The following SNX18 variants were observed in gnomAD, a reference collection of about 807,000 sequenced individuals.
SNX18 encodes sorting nexin 18, also known as sorting nexin-18.
In SNX18, 35 loss-of-function variants were observed where a neutral mutation model predicts 48.7. The ratio of observed to expected loss-of-function variants is 0.72; its 90% CI spans 0.55 to 0.95. The LOEUF (loss-of-function observed/expected upper bound fraction) is 0.95. Ranked by LOEUF, SNX18 falls within the 40% of genes least tolerant of loss-of-function variation. The probability of loss-of-function intolerance (pLI) is 0.00; values close to 1 mark genes in which losing one functional copy is unlikely to be tolerated. For synonymous variants in SNX18, 492 were observed against 384.7 expected (o/e 1.28, Z -3.26); for missense variants, 824 against 871.0 (o/e 0.95, Z 0.68).
chr5:54,571,490 G>A, the SNX18 span, among the ~76,000 whole-genome samples: 118 of 152,276 alleles, frequency 7.7e-4, no homozygotes, highest in African/African-American at 2.8e-3. Flanking sequence ...GGTAAGAATT[G>A]TTCTCTGAAG....
chr5:54,641,842 A>C, the SNX18 span, among the ~76,000 whole-genome samples: 1 of 152,164 alleles, frequency 6.6e-6, no homozygotes, highest in African/African-American at 2.4e-5. Context: ...AGCATTGCCT[A>C]TCACCTCCCA....
At chr5:54,608,038 A>G in the SNX18 span, among the ~76,000 whole-genome samples, 77 of 152,344 alleles carry the variant, frequency 5.1e-4, no homozygotes, top group African/African-American at 1.8e-3. Context: ...AATGCCCAGG[A>G]GTTCAATTGC....
At chr5:54,530,037 C>G (rs1018996958) in intron 1 of SNX18, among the ~76,000 whole-genome samples, 5 of 152,106 alleles carry the variant, frequency 3.3e-5, no homozygotes, top group Non-Finnish European at 7.4e-5. Flanking sequence ...GAGACCCCTC[C>G]CTTGCCTCTC....
chr5:54,637,986 GGAGAGAGAGA>G, the SNX18 span, among the ~76,000 whole-genome samples: 10 of 149,326 alleles, frequency 6.7e-5, no homozygotes, highest in Admixed American at 2.7e-4. Context: ...CTGCTGGACT[GGAGAGAGAGA>G]GAGAGAGAGA....
chr5:54,624,817 A>G, the SNX18 span, among the ~76,000 whole-genome samples: 3 of 152,312 alleles, frequency 2.0e-5, no homozygotes, highest in Admixed American at 2.0e-4. Context: ...GTTCCACTCA[A>G]ACTCAGTCTC....
intron 1 of SNX18, among the ~76,000 whole-genome samples, chr5:54,537,797 A>G (rs749232435): frequency 6.6e-5 from 10 of 152,074 alleles, no homozygotes; most frequent in Non-Finnish European, 1.2e-4. Context: ...TGTTATTTAG[A>G]TTCTGGGCAA....
At chr5:54,595,217 G>A in the SNX18 span, among the ~76,000 whole-genome samples, 2 of 152,048 alleles carry the variant, frequency 1.3e-5, no homozygotes, top group East Asian at 3.9e-4. Flanking sequence ...CTGAATGATA[G>A]CTCTGCTTTA....
chr5:54,590,078 A>C, the SNX18 span, among the ~76,000 whole-genome samples: 1 of 152,230 alleles, frequency 6.6e-6, no homozygotes, highest in Non-Finnish European at 1.5e-5. Context: ...GGCGTGAGCC[A>C]CTGCACCCAG....
chr5:54,567,708 C>A, the SNX18 span, among the ~76,000 whole-genome samples: 3 of 152,154 alleles, frequency 2.0e-5, no homozygotes, highest in Admixed American at 1.3e-4. Context: ...GGTTACAAGG[C>A]AAGATGACAA....
chr5:54,558,477 T>C, the SNX18 span, among the ~76,000 whole-genome samples: 1 of 152,216 alleles, frequency 6.6e-6, no homozygotes, highest in East Asian at 1.9e-4. Context: ...AGGTAACTTA[T>C]TAAATTAGCC....
chr5:54,633,818 T>G, the SNX18 span, among the ~76,000 whole-genome samples: 3 of 152,222 alleles, frequency 2.0e-5, no homozygotes, highest in Non-Finnish European at 2.9e-5. Flanking sequence ...AGCCATGTTC[T>G]TTTAGAGTCA....
the SNX18 span, among the ~76,000 whole-genome samples, chr5:54,578,882 G>A: frequency 6.6e-6 from 1 of 152,290 alleles, no homozygotes. Context: ...CAGGAATGTA[G>A]AACAACAAGG....
chr5:54,643,831 C>G, the SNX18 span: 2 of 152,228 alleles, frequency 1.3e-5, no homozygotes, highest in African/African-American at 4.8e-5. Context: ...TTTAATCACT[C>G]AAGAAGCCTT....
the SNX18 span, among the ~76,000 whole-genome samples, chr5:54,554,702 A>T: frequency 1.3e-5 from 2 of 152,348 alleles, no homozygotes; most frequent in South Asian, 4.1e-4. Context: ...GTTAATTTTA[A>T]GTGATTATAA....
chr5:54,619,341 T>C, the SNX18 span, among the ~76,000 whole-genome samples: 1 of 152,062 alleles, frequency 6.6e-6, no homozygotes, highest in Non-Finnish European at 1.5e-5. Flanking sequence ...CAAAACCCCA[T>C]CTCTACAAAA....
chr5:54,647,806 C>G, the SNX18 span, among the ~76,000 whole-genome samples: 1 of 152,082 alleles, frequency 6.6e-6, no homozygotes, highest in African/African-American at 2.4e-5. Flanking sequence ...CTTCAACGGG[C>G]AACAGGGATG....
At chr5:54,593,744 CT>C in the SNX18 span, among the ~76,000 whole-genome samples, 1 of 152,186 alleles carries the variant, frequency 6.6e-6, no homozygotes, top group Admixed American at 6.5e-5. Context: ...TCATATATTG[CT>C]AACTGATTTT....
chr5:54,522,712 A>ATGTCTGAGGCCATCCTGGT, intron 1 of SNX18, among the ~76,000 whole-genome samples: 1 of 151,932 alleles, frequency 6.6e-6, no homozygotes, highest in Non-Finnish European at 1.5e-5. Context: ...TACGGGATGG[A>ATGTCTGAGGCCATCCTGGT]TGTCTGAGGC....
chr5:54,637,193 G>C, the SNX18 span, among the ~76,000 whole-genome samples: 1 of 152,140 alleles, frequency 6.6e-6, no homozygotes, highest in African/African-American at 2.4e-5. Context: ...CATCATAAAA[G>C]TGCTTAAATG....
Sources: gnomAD v4.1 joint callset for allele counts (sites outside exome capture counted in the v4.1 genomes callset) on GRCh38, gnomAD v4.1.1 for gene constraint, MANE v1.5 for transcripts, NCBI Gene and HGNC (gene_info 2026-07-23, HGNC 2026-07-21) for gene names.